The following TATDN3 variants were observed in gnomAD, a reference collection of about 807,000 sequenced individuals.
The protein encoded by TATDN3 is deoxyribonuclease TATDN3.
In TATDN3, 29 loss-of-function variants were observed where a neutral mutation model predicts 40.1. The ratio of observed to expected loss-of-function variants is 0.72; its 90% confidence interval spans 0.54 to 0.99. The LOEUF is 0.99. Among genes scored for constraint, TATDN3 ranks in the 50% least tolerant of loss-of-function variants. The pLI, the probability that TATDN3 is intolerant of heterozygous loss-of-function variation, is 0.00. For synonymous variants in TATDN3, 105 were observed against 117.0 expected, an observed-to-expected ratio of 0.90 and a Z score of 0.66; for missense variants, 309 against 321.9, an observed-to-expected ratio of 0.96 and a Z score of 0.31.
chr1:212,804,262 A>G, intron 5 of TATDN3, 58 bp from the exon 6 acceptor site: 1 of 1,218,418 alleles, frequency 8.2e-7, no homozygotes, highest in East Asian at 2.4e-5. Context: ...CAATCCAAAG[A>G]TCTCTTTTGA....
chr1:212,805,998 A>G (rs766630569), intron 7 of TATDN3, among the ~76,000 whole-genome samples: 14 of 152,204 alleles, frequency 9.2e-5, no homozygotes, highest in African/African-American at 1.2e-4. Context: ...TTCATAACTC[A>G]CTTATGTTCA....
intron 7 of TATDN3, 74 bp downstream of exon 7, chr1:212,804,725 G>A: frequency 1.5e-6 from 2 of 1,363,462 alleles, no homozygotes; most frequent in South Asian, 2.5e-5. Flanking sequence ...CATAAAGCAA[G>A]CCATGTTTTA....
intron 9 of TATDN3, among the ~76,000 whole-genome samples, chr1:212,812,827 A>T (rs1353198635): frequency 1.3e-5 from 2 of 152,074 alleles, no homozygotes; most frequent in Non-Finnish European, 2.9e-5. Flanking sequence ...ACATGGAGAA[A>T]CCCTGTCTCT....
At chr1:212,807,710 A>T in intron 7 of TATDN3, 26 bp from the exon 8 acceptor site, 1 of 1,547,024 alleles carries the variant, frequency 6.5e-7, no homozygotes, top group Non-Finnish European at 8.8e-7. Flanking sequence ...AAAATGGAAT[A>T]CTGCCTTATC....
chr1:212,801,077 C>G (rs1662146338), intron 4 of TATDN3, among the ~76,000 whole-genome samples: 1 of 151,676 alleles, frequency 6.6e-6, no homozygotes, highest in African/African-American at 2.4e-5. Flanking sequence ...ATAGTCCCAG[C>G]TACTCGAGAG....
At chr1:212,808,254 G>A (rs2102471895) in intron 8 of TATDN3, among the ~76,000 whole-genome samples, 1 of 151,064 alleles carries the variant, frequency 6.6e-6, no homozygotes, top group South Asian at 2.1e-4. Flanking sequence ...GGAGGTTGCA[G>A]TGAGCCAAGA....
In TATDN3 at chr1:212,816,752, T is replaced by TCATCAGCAC. The variant is rs1189201641; in HGVS notation, c.*1600_*1608dup. ...GGTATTTTATGAGGTATTTAATGACTCATCAGCACCATTTTAAATGAAATT... is the reference window on the plus strand; with the variant it reads ...GGTATTTTATGAGGTATTTAATGACTCATCAGCACCATCAGCACCATTTTAAATGAAATT... On this transcript the variant is annotated 3_prime_UTR_variant, in exon 10 of 10. Coordinates refer to ENST00000366974, the MANE Select transcript of TATDN3 (RefSeq NM_001042552.3). The TCATCAGCAC allele has an allele frequency of 2.0e-5, 3 of 152,198 alleles. No individual in the cohort carries two copies. Among genetic ancestry groups the TCATCAGCAC allele is most frequent in the Admixed American group, 1.3e-4 (2 of 15,276 alleles). 9.4% of individuals were successfully genotyped at this position (152,198 alleles called of 1,614,324 possible).
intron 4 of TATDN3, among the ~76,000 whole-genome samples, chr1:212,801,864 C>A (rs151006716): frequency 1.3e-5 from 2 of 152,234 alleles, no homozygotes; most frequent in East Asian, 1.9e-4. Context: ...CCTTAACTTA[C>A]CCTCCTTCAT....
intron 8 of TATDN3, among the ~76,000 whole-genome samples, chr1:212,809,608 C>G (rs1014730325): frequency 6.6e-6 from 1 of 150,874 alleles, no homozygotes; most frequent in Non-Finnish European, 1.5e-5. Flanking sequence ...GGCGTGAACC[C>G]GGGGGGGCAG....
chr1:212,794,241 A>G (rs1661570162), intron 1 of TATDN3, among the ~76,000 whole-genome samples: 1 of 150,402 alleles, frequency 6.6e-6, no homozygotes, highest in Non-Finnish European at 1.5e-5. Flanking sequence ...AGATCGTGAC[A>G]CTGCACTCCA....
intron 1 of TATDN3, chr1:212,793,065 C>T (rs142386443): frequency 1.2e-4 from 19 of 152,130 alleles, no homozygotes; most frequent in African/African-American, 4.1e-4. Context: ...TGCCAAAAAG[C>T]TAAGTGGAGC....
Position 212,814,944 on chromosome 1 carries a change from T to C in TATDN3, c.682-69T>C. 3 of 1,511,628 alleles carry C rather than the reference T, an allele frequency of 2.0e-6. No homozygotes were observed. The South Asian group carries it at 4.0e-5, about 20-fold the overall frequency. 93.6% of individuals were successfully genotyped at this position (1,511,628 alleles called of 1,614,324 possible). A position where few individuals can be genotyped will look rare whatever the true frequency, so the allele number is the denominator to read the frequency against. On this transcript the variant is annotated intron_variant, in intron 9 of 9. Coordinates refer to ENST00000366974, the MANE Select transcript of TATDN3 (RefSeq NM_001042552.3). ...GTTTTTACCAACTCATTTTCTTCTA[T>C]CTATAGTCTCCAAGGATCTGCTTCC...
At chr1:212,809,893 G>A (rs1304625746) in intron 8 of TATDN3, among the ~76,000 whole-genome samples, 3 of 151,554 alleles carry the variant, frequency 2.0e-5, no homozygotes, top group African/African-American at 4.8e-5. Flanking sequence ...GTGTGGTGGC[G>A]CATGCCTATA....
In TATDN3 at chr1:212,792,632, C is replaced by CAAAAAAAAAAAAAAAA. The variant is rs752952752; in HGVS notation, c.66+651_66+666dup. 4.2e-3 allele frequency among the ~76,000 whole-genome samples: 314 copies of CAAAAAAAAAAAAAAAA among 75,002 alleles called. 1 individual carries two copies. Among genetic ancestry groups the CAAAAAAAAAAAAAAAA allele is most frequent in the Non-Finnish European group, 6.1e-3 (252 of 41,092 alleles). 49.2% of individuals were successfully genotyped at this position (75,002 alleles called of 152,430 possible). A position where few individuals can be genotyped will look rare whatever the true frequency, so the allele number is the denominator to read the frequency against. On this transcript the variant is annotated intron_variant, in intron 1 of 9. Coordinates refer to ENST00000366974, the MANE Select transcript of TATDN3 (RefSeq NM_001042552.3). ...CCTGGGTAACAGTGAGACCCTGTCTCAAAAAAAAAAAAAAAAAAAAATTCA... is the reference window on the plus strand; with the variant it reads ...CCTGGGTAACAGTGAGACCCTGTCTCAAAAAAAAAAAAAAAAAAAAAAAAAAAAAAAAAAAAATTCA...
At chr1:212,813,566 C>CTTTTTTTT (rs202183479) in intron 9 of TATDN3, among the ~76,000 whole-genome samples, 1 of 130,966 alleles carries the variant, frequency 7.6e-6, no homozygotes, top group African/African-American at 2.8e-5. Flanking sequence ...TCTTTCTTTT[C>CTTTTTTTT]TTTTTTTTTT....
intron 8 of TATDN3, among the ~76,000 whole-genome samples, chr1:212,808,090 A>T (rs1662648566): frequency 6.6e-6 from 1 of 152,172 alleles, no homozygotes; most frequent in South Asian, 2.1e-4. Flanking sequence ...AAGCGGGTAG[A>T]TCACCTGAGG....
intron 7 of TATDN3, among the ~76,000 whole-genome samples, chr1:212,806,859 T>TGTATATACACATATATACATAC (rs1662557923): frequency 2.2e-4 from 3 of 13,346 alleles, no homozygotes; most frequent in African/African-American, 1.0e-3. Flanking sequence ...TATATACATA[T>TGTATATACACATATATACATAC]GTATATACAC....
rs183183450 is a variant in TATDN3, at chr1:212,804,857, G to A, written c.487+206G>A. 1.5e-4 allele frequency among the ~76,000 whole-genome samples: 23 copies of A among 152,296 alleles called. No homozygotes were observed. In the East Asian group the frequency reaches 4.2e-3, roughly 28 times the overall value. On this transcript the variant is annotated intron_variant, in intron 7 of 9. Coordinates refer to ENST00000366974, the MANE Select transcript of TATDN3 (RefSeq NM_001042552.3). ...TTATGATATTTCCCAGGCCCAGATA[G>A]AGTAAATGAAAAGTTGAATACAATA...
intron 8 of TATDN3, among the ~76,000 whole-genome samples, chr1:212,809,017 A>T (rs1405629497): frequency 6.6e-6 from 1 of 152,234 alleles, no homozygotes. Context: ...AGTCATAAAA[A>T]GGAATGAAGA....
Sources: gnomAD v4.1 joint callset for allele counts (sites outside exome capture counted in the v4.1 genomes callset) on GRCh38, gnomAD v4.1.1 for gene constraint, MANE v1.5 for transcripts, NCBI Gene and HGNC (gene_info 2026-07-23, HGNC 2026-07-21) for gene names.